Variants in MYO9A observed in about 807,000 individuals in gnomAD.
MYO9A encodes unconventional myosin-IXa.
A neutral mutation model predicts 293.3 loss-of-function variants in MYO9A; 103 were observed. The ratio of observed to expected loss-of-function variants is 0.35; its 90% CI spans 0.30 to 0.41. MYO9A has a LOEUF of 0.41. Among genes scored for constraint, MYO9A ranks in the 10% least tolerant of loss-of-function variants. MYO9A has a pLI of 1.00. For missense variants in MYO9A, 2,685 were observed against 3,033.0 expected (o/e 0.89, Z 2.69); for synonymous variants, 1,001 against 1,035.7 (o/e 0.97, Z 0.64).
At position 71,822,526 on chromosome 15, in the gene MYO9A, AT is replaced by A. The variant is rs2140313402; in HGVS notation, c.*4053del. ...GTGGGTGAGATAAATCATTCTTCTT[AT>A]AGAATTATTCTATTAAACAGTAAAA... On this transcript the variant is annotated 3_prime_UTR_variant, in exon 42 of 42. Coordinates refer to ENST00000356056, the MANE Select transcript of MYO9A (RefSeq NM_006901.4). 6.6e-6 allele frequency: 1 copy of A among 152,322 alleles called. No homozygotes were observed. Among genetic ancestry groups the A allele is most frequent in the African/African-American group, 2.4e-5 (1 of 41,576 alleles). 9.4% of individuals were successfully genotyped at this position (152,322 alleles called of 1,614,324 possible).
At chr15:72,101,688 TG>T (rs71152876) in intron 1 of MYO9A, among the ~76,000 whole-genome samples, 12 of 34,698 alleles carry the variant, frequency 3.5e-4, no homozygotes, top group East Asian at 1.6e-3. Flanking sequence ...GGGAGGGAGG[TG>T]GGGGGGGTCA....
chr15:72,004,598 C>T (rs1337232013), intron 8 of MYO9A, among the ~76,000 whole-genome samples: 1 of 152,074 alleles, frequency 6.6e-6, no homozygotes, highest in Non-Finnish European at 1.5e-5. Flanking sequence ...TATATTGTTT[C>T]AACAGATGTT....
chr15:72,098,338 C>A (rs1192582463), intron 1 of MYO9A, among the ~76,000 whole-genome samples: 5 of 152,016 alleles, frequency 3.3e-5, no homozygotes, highest in Admixed American at 3.3e-4. Flanking sequence ...TTTAACCACT[C>A]CTGAATTCCT....
chr15:71,932,171 G>A (rs994989884), intron 18 of MYO9A, among the ~76,000 whole-genome samples: 2 of 152,166 alleles, frequency 1.3e-5, no homozygotes. Context: ...TATCCTCGTG[G>A]TGAAGCTGAC....
chr15:71,943,513 T>A (rs1019999478), intron 15 of MYO9A, among the ~76,000 whole-genome samples: 2 of 152,256 alleles, frequency 1.3e-5, no homozygotes, highest in East Asian at 3.9e-4. Context: ...TCAGGCTTCA[T>A]AACATGTAAT....
At chr15:72,077,747 AAAAAAATATATATAT>A (rs1245291277) in intron 1 of MYO9A, among the ~76,000 whole-genome samples, 150 of 45,800 alleles carry the variant, frequency 3.3e-3, no homozygotes, top group African/African-American at 9.3e-3. Context: ...AAAAAAAAAA[AAAAAAATATATATAT>A]ATATATATAT....
In MYO9A at chr15:71,916,389, C is replaced by T; in HGVS notation, c.2666G>A (p.Ser889Asn). 6 of 1,612,964 alleles carry T rather than the reference C, an allele frequency of 3.7e-6. No homozygotes were observed. The highest frequency in any genetic ancestry group is 5.1e-6 in the Non-Finnish European group (6 of 1,179,692). ...AATAACCTGAAACTGGGCACTGATG[C>T]TGGGAGGTTTTTTCTTCTTGTGTAA... Reference protein sequence around the residue: ...LHLHKKKKPPSISAQFQASLS... With the variant: ...LHLHKKKKPPNISAQFQASLS... The change falls in exon 19 of 42, where the codon AGC (serine) becomes AAC (asparagine). Residue 889 changes from serine to asparagine, a missense_variant. Ser to Asn is a conservative substitution (Grantham distance 46). Around this residue, in one of 10 missense-constraint regions of MYO9A, gnomAD observed 1,434 missense variants for 1,497.7 expected, o/e 0.96. Coordinates refer to ENST00000356056, the MANE Select transcript of MYO9A (RefSeq NM_006901.4).
intron 1 of MYO9A, among the ~76,000 whole-genome samples, chr15:72,088,171 G>GT (rs1379629263): frequency 6.6e-6 from 1 of 152,118 alleles, no homozygotes; most frequent in Non-Finnish European, 1.5e-5. Flanking sequence ...ATAAATTTTT[G>GT]TTTTTTAAGC....
intron 10 of MYO9A, among the ~76,000 whole-genome samples, chr15:71,992,935 T>C (rs552581720): frequency 5.9e-5 from 9 of 151,580 alleles, no homozygotes; most frequent in African/African-American, 1.9e-4. Flanking sequence ...GCAAAAAAAT[T>C]ACAACATAAA....
intron 15 of MYO9A, among the ~76,000 whole-genome samples, chr15:71,941,377 G>A (rs2058770057): frequency 6.6e-6 from 1 of 152,218 alleles, no homozygotes; most frequent in East Asian, 1.9e-4. Context: ...AGAGGTTGCA[G>A]TGAGCCAAGA....
chr15:72,018,765 T>C (rs1212381641), intron 6 of MYO9A, among the ~76,000 whole-genome samples: 1 of 152,172 alleles, frequency 6.6e-6, no homozygotes, highest in Non-Finnish European at 1.5e-5. Context: ...ATCAGGAATA[T>C]AATCAATTTA....
chr15:71,865,078 T>C (rs2056278865), intron 32 of MYO9A, among the ~76,000 whole-genome samples: 1 of 152,198 alleles, frequency 6.6e-6, no homozygotes, highest in African/African-American at 2.4e-5. Context: ...ATTCACTAAA[T>C]TAAACTTCCA....
intron 1 of MYO9A, among the ~76,000 whole-genome samples, chr15:72,058,176 A>G (rs2078774346): frequency 6.6e-6 from 1 of 152,238 alleles, no homozygotes; most frequent in Non-Finnish European, 1.5e-5. Context: ...AGAATTAAGC[A>G]AACATGAATA....
rs1555493734 is a variant in MYO9A, at chr15:71,966,280, G to GTC, written c.1986+1703_1986+1704insGA. ...ATCCCAGGCAAGTGTGTGTGTGTGT[G>GTC]TGTGTGTGTGTGTGTGTGTGTGTGT... On this transcript the variant is annotated intron_variant, in intron 13 of 41. Transcript: ENST00000356056. Among the ~76,000 whole-genome samples, 6 of 150,868 alleles carry GTC rather than the reference G, an allele frequency of 4.0e-5. No individual in the cohort carries two copies. In the Admixed American group the frequency reaches 4.0e-4, roughly 10 times the overall value.
At chr15:71,874,368 T>C (rs926481698) in intron 32 of MYO9A, among the ~76,000 whole-genome samples, 2 of 151,986 alleles carry the variant, frequency 1.3e-5, no homozygotes, top group African/African-American at 4.8e-5. Flanking sequence ...GTAAAGACGA[T>C]AGGAGGAGGA....
At chr15:71,841,819 G>GT (rs904083246) in intron 39 of MYO9A, among the ~76,000 whole-genome samples, 34 of 141,696 alleles carry the variant, frequency 2.4e-4, no homozygotes, top group Middle Eastern at 3.5e-3. Flanking sequence ...TGTTTTTTTT[G>GT]TTTTTTTTGT....
chr15:71,859,710 T>C, intron 34 of MYO9A, 25 bp downstream of exon 34: 1 of 1,587,172 alleles, frequency 6.3e-7, no homozygotes, highest in South Asian at 1.1e-5. Context: ...CTGTTATCTA[T>C]TACTGATAGG....
At chr15:71,921,382 G>A (rs1011109705) in intron 18 of MYO9A, among the ~76,000 whole-genome samples, 2 of 152,172 alleles carry the variant, frequency 1.3e-5, no homozygotes, top group African/African-American at 4.8e-5. Flanking sequence ...CTGTCAAGAG[G>A]TTTGATGGAA....
chr15:72,070,128 C>CAAAA (rs936332297), intron 1 of MYO9A, among the ~76,000 whole-genome samples: 4 of 48,972 alleles, frequency 8.2e-5, no homozygotes, highest in South Asian at 7.0e-4. Flanking sequence ...GACTATGTCT[C>CAAAA]AAAAAAAAAA....
Sources: allele counts gnomAD v4.1 joint callset (sites outside exome capture counted in the v4.1 genomes callset), GRCh38; gene constraint gnomAD v4.1.1; regional missense constraint gnomAD v4.1.1; transcripts MANE v1.5; gene names NCBI Gene and HGNC (gene_info 2026-07-23, HGNC 2026-07-21).